Variants in FRMPD2 observed in about 807,000 individuals in gnomAD.
FRMPD2 encodes the protein FERM and PDZ domain-containing protein 2.
FRMPD2 carries 96 observed loss-of-function variants against 140.1 expected under a neutral mutation model. That is an observed-to-expected ratio of 0.69 (90% confidence interval 0.58 to 0.81). FRMPD2 has a LOEUF of 0.81. FRMPD2 is among the 40% of genes least tolerant of loss of function. The pLI is 0.00. For synonymous variants in FRMPD2, 449 were observed against 547.6 expected (o/e 0.82, Z 2.52); for missense variants, 1,240 against 1,447.4 (o/e 0.86, Z 2.32).
intron 15 of FRMPD2, among the ~76,000 whole-genome samples, chr10:48,193,467 C>T (rs1402754693): frequency 2.6e-5 from 4 of 152,214 alleles, no homozygotes; most frequent in Admixed American, 2.0e-4. Context: ...ACTTGCCTTT[C>T]TCCTTCCATG....
At chr10:48,237,497 G>A (rs11101268) in intron 8 of FRMPD2, among the ~76,000 whole-genome samples, 3,725 of 152,244 alleles carry the variant, frequency 0.024, 67 homozygotes, top group Non-Finnish European at 0.039. Flanking sequence ...GCTCAGTCAA[G>A]GGACCTTAAC....
At chr10:48,235,235 G>A (rs1839940832) in intron 9 of FRMPD2, among the ~76,000 whole-genome samples, 1 of 152,210 alleles carries the variant, frequency 6.6e-6, no homozygotes, top group Non-Finnish European at 1.5e-5. Context: ...TGCATACCTG[G>A]GGTGTAAAAG....
intron 5 of FRMPD2, among the ~76,000 whole-genome samples, 176 bp from the exon 6 acceptor site, chr10:48,240,668 C>A (rs1217536240): frequency 1.3e-5 from 2 of 152,206 alleles, no homozygotes; most frequent in African/African-American, 2.4e-5. Context: ...CCTGCATGCA[C>A]CCTGAAGGCA....
intron 3 of FRMPD2, among the ~76,000 whole-genome samples, chr10:48,245,779 T>C (rs1840233454): frequency 6.6e-6 from 1 of 152,332 alleles, no homozygotes; most frequent in Non-Finnish European, 1.5e-5. Flanking sequence ...TTGTGGGGCT[T>C]CTATTATAAC....
rs969803310 is a variant in FRMPD2, at chr10:48,196,714, A to G, written c.1955-3820T>C. Among the ~76,000 whole-genome samples the G allele has an allele frequency of 2.6e-5, 4 of 152,344 alleles. No individual in the cohort carries two copies. The South Asian group carries it at 8.3e-4, about 32-fold the overall frequency. The stretch of plus-strand genomic sequence containing the variant: ...CTGCATGTAATCGCTGAAAAGGGTT[A>G]CATGAATCTGCAGAGAGAGTTTCTA... On this transcript the variant is annotated intron_variant, in intron 15 of 28. Transcript: ENST00000374201.
chr10:48,248,977 C>A (rs1001577674), intron 3 of FRMPD2, 44 bp downstream of exon 3: 45 of 1,529,566 alleles, frequency 2.9e-5, no homozygotes, highest in Admixed American at 3.9e-5. Context: ...AGGCCTTTCC[C>A]AGGGCACAGG....
At chr10:48,227,297 C>T (rs939778227) in intron 10 of FRMPD2, among the ~76,000 whole-genome samples, 15 of 152,094 alleles carry the variant, frequency 9.9e-5, no homozygotes, top group South Asian at 4.1e-4. Context: ...TAAGACTCTC[C>T]TTTCATCTTG....
At chr10:48,168,084 C>T (rs1277540370) in intron 27 of FRMPD2, among the ~76,000 whole-genome samples, 1 of 147,742 alleles carries the variant, frequency 6.8e-6, no homozygotes, top group Non-Finnish European at 1.5e-5. Flanking sequence ...CACACACACA[C>T]ACTCATTCTA....
chr10:48,216,389 C>T (rs1263796428), intron 12 of FRMPD2, among the ~76,000 whole-genome samples: 4 of 152,094 alleles, frequency 2.6e-5, no homozygotes, highest in African/African-American at 7.2e-5. Context: ...CTATTATAGG[C>T]TCATAGAGAC....
chr10:48,242,911 T>C (rs925707760), intron 4 of FRMPD2, among the ~76,000 whole-genome samples: 10 of 152,218 alleles, frequency 6.6e-5, no homozygotes, highest in African/African-American at 2.2e-4. Context: ...AACAGAAGCA[T>C]CTTATAAGCA....
At chr10:48,181,860 T>TATATATAC (rs1489081470) in intron 20 of FRMPD2, among the ~76,000 whole-genome samples, 2 of 67,038 alleles carry the variant, frequency 3.0e-5, no homozygotes, top group African/African-American at 1.3e-4. Context: ...TATTCCCTCA[T>TATATATAC]ATATATATAT....
chr10:48,262,204 T>C (rs1384347175), intron 1 of FRMPD2, among the ~76,000 whole-genome samples: 4 of 152,106 alleles, frequency 2.6e-5, no homozygotes, highest in Admixed American at 2.6e-4. Context: ...TTATGTTGTC[T>C]AGAAGAAATC....
chr10:48,184,729 A>C, intron 19 of FRMPD2, 45 bp downstream of exon 19: 1 of 1,595,814 alleles, frequency 6.3e-7, no homozygotes, highest in Non-Finnish European at 8.6e-7. Context: ...AATAAAAAAG[A>C]GTGGTTTCTT....
chr10:48,207,500 C>A, intron 13 of FRMPD2, among the ~76,000 whole-genome samples: 1 of 152,098 alleles, frequency 6.6e-6, no homozygotes, highest in East Asian at 1.9e-4. Flanking sequence ...TCCCCGTAGC[C>A]CAGGGTCTTG....
In FRMPD2 at chr10:48,185,914, G is replaced by T. The variant is rs193151168; in HGVS notation, c.2267-269C>A. Among the ~76,000 whole-genome samples the T allele has an allele frequency of 1.2e-4, 18 of 152,324 alleles. No individual in the cohort carries two copies. In the East Asian group the frequency reaches 1.5e-3, roughly 13 times the overall value. Reference sequence around the variant, plus strand: ...AGAGGCAAGAACAGGATGGGCTATGGTGCTTGTTTTCTGTATGACTTACTG... The same window carrying T: ...AGAGGCAAGAACAGGATGGGCTATGTTGCTTGTTTTCTGTATGACTTACTG... On this transcript the variant is annotated intron_variant, in intron 17 of 28. Coordinates refer to ENST00000374201, the MANE Select transcript of FRMPD2 (RefSeq NM_001018071.4).
chr10:48,167,508 C>G (rs1838127383), intron 27 of FRMPD2, among the ~76,000 whole-genome samples: 2 of 100,108 alleles, frequency 2.0e-5, no homozygotes, highest in Admixed American at 1.1e-4. Flanking sequence ...AGGGCTCCCT[C>G]CAGAATCAGC....
intron 14 of FRMPD2, among the ~76,000 whole-genome samples, chr10:48,202,725 A>G (rs1839116962): frequency 6.6e-6 from 1 of 152,246 alleles, no homozygotes; most frequent in East Asian, 1.9e-4. Context: ...CTTTGTCAGT[A>G]CACACTGATA....
At chr10:48,184,907 A>G in intron 18 of FRMPD2, 26 bp from the exon 19 acceptor site, 1 of 1,537,606 alleles carries the variant, frequency 6.5e-7, no homozygotes. Context: ...ATAGTCCATG[A>G]TAAGATGATA....
At chr10:48,223,622 G>A (rs1017511984) in intron 10 of FRMPD2, among the ~76,000 whole-genome samples, 29 of 152,176 alleles carry the variant, frequency 1.9e-4, no homozygotes, top group African/African-American at 6.8e-4. Flanking sequence ...TTTGTGCAAT[G>A]TGCCAGAACC....
Sources: allele counts gnomAD v4.1 joint callset (sites outside exome capture counted in the v4.1 genomes callset), GRCh38; gene constraint gnomAD v4.1.1; transcripts MANE v1.5; gene names NCBI Gene and HGNC (gene_info 2026-07-23, HGNC 2026-07-21).